The following COPB1 variants were observed in gnomAD, a reference collection of about 807,000 sequenced individuals.
COPB1 encodes the protein coatomer subunit beta.
Under a neutral mutation model 108.7 loss-of-function variants are expected in COPB1, and 21 were observed. The ratio of observed to expected loss-of-function variants is 0.19; its 90% CI spans 0.14 to 0.28. The LOEUF is 0.28. Ranked by LOEUF, COPB1 falls within the 10% of genes least tolerant of loss-of-function variation. The probability of loss-of-function intolerance (pLI) is 1.00; values close to 1 mark genes in which losing one functional copy is unlikely to be tolerated. For missense variants in COPB1, 919 were observed against 1,141.3 expected (o/e 0.81, Z 2.81); for synonymous variants, 378 against 386.8 (o/e 0.98, Z 0.27).
chr11:14,489,982 C>T (rs1850859492), intron 5 of COPB1, among the ~76,000 whole-genome samples: 1 of 152,094 alleles, frequency 6.6e-6, no homozygotes, highest in Non-Finnish European at 1.5e-5. Context: ...GGAAGGCCTC[C>T]ATATTTTTCA....
At chr11:14,485,940 T>C (rs1482461072) in intron 7 of COPB1, among the ~76,000 whole-genome samples, 1 of 152,080 alleles carries the variant, frequency 6.6e-6, no homozygotes, top group Non-Finnish European at 1.5e-5. Flanking sequence ...AAGAAAAGCA[T>C]AAGGAAAATA....
chr11:14,463,803 G>A (rs1850218878), intron 18 of COPB1, among the ~76,000 whole-genome samples: 1 of 152,060 alleles, frequency 6.6e-6, no homozygotes, highest in Non-Finnish European at 1.5e-5. Flanking sequence ...ACCTAATCTG[G>A]AAATCTGAGT....
chr11:14,493,121 G>C (rs1033170811), intron 4 of COPB1, among the ~76,000 whole-genome samples: 1 of 152,150 alleles, frequency 6.6e-6, no homozygotes, highest in African/African-American at 2.4e-5. Context: ...GCTCCAGCCT[G>C]GGCAACGAGA....
Position 14,465,277 on chromosome 11 carries a change from T to C in COPB1, c.2291-247A>G, listed in dbSNP as rs557235027. Reference sequence around the variant, plus strand: ...AGGCATATTTTCTTTTAAAAGGTAATAGGCATCTCAGAATAATTCCATATT... The same window carrying C: ...AGGCATATTTTCTTTTAAAAGGTAACAGGCATCTCAGAATAATTCCATATT... On this transcript the variant is annotated intron_variant, in intron 17 of 21. Coordinates refer to ENST00000439561, the MANE Select transcript of COPB1 (RefSeq NM_001144061.2). 5.5e-4 allele frequency among the ~76,000 whole-genome samples: 84 copies of C among 152,310 alleles called. 1 individual carries two copies. The highest frequency in any genetic ancestry group is 1.9e-3 in the African/African-American group (77 of 41,566).
intron 12 of COPB1, among the ~76,000 whole-genome samples, chr11:14,476,710 G>A (rs997144059): frequency 3.3e-5 from 5 of 151,272 alleles, no homozygotes; most frequent in South Asian, 2.1e-4. Flanking sequence ...TTACTCTAAG[G>A]CATTCTTCCT....
chr11:14,471,089 A>T (rs1850392911), intron 14 of COPB1, among the ~76,000 whole-genome samples: 1 of 152,228 alleles, frequency 6.6e-6, no homozygotes, highest in Non-Finnish European at 1.5e-5. Flanking sequence ...GTAACTTTCT[A>T]AAGTGTACAA....
At chr11:14,496,336 T>G (rs1851018623) in intron 2 of COPB1, among the ~76,000 whole-genome samples, 1 of 152,020 alleles carries the variant, frequency 6.6e-6, no homozygotes, top group Non-Finnish European at 1.5e-5. Context: ...AGAAATATGA[T>G]AAATTTAGTA....
At chr11:14,476,733 C>T (rs1236099272) in intron 12 of COPB1, among the ~76,000 whole-genome samples, 186 bp downstream of exon 12, 1 of 148,876 alleles carries the variant, frequency 6.7e-6, no homozygotes, top group Admixed American at 6.7e-5. Flanking sequence ...AGAATACAGG[C>T]TAAAGCAGAA....
At chr11:14,497,456 T>C (rs538630374) in intron 2 of COPB1, among the ~76,000 whole-genome samples, 1 of 152,208 alleles carries the variant, frequency 6.6e-6, no homozygotes, top group African/African-American at 2.4e-5. Context: ...ACATCACTGA[T>C]CATCAGAGAA....
chr11:14,461,884 G>A (rs971791694), intron 18 of COPB1, among the ~76,000 whole-genome samples: 1 of 152,122 alleles, frequency 6.6e-6, no homozygotes, highest in African/African-American at 2.4e-5. Flanking sequence ...TCAAGTCCCT[G>A]ATATTAAATG....
At chr11:14,481,934 G>C (rs1034687583) in intron 8 of COPB1, among the ~76,000 whole-genome samples, 2 of 152,048 alleles carry the variant, frequency 1.3e-5, no homozygotes, top group African/African-American at 2.4e-5. Flanking sequence ...GACTACAGTT[G>C]CACACCACCA....
intron 18 of COPB1, among the ~76,000 whole-genome samples, chr11:14,463,387 G>A (rs1310114645): frequency 3.3e-5 from 5 of 152,082 alleles, no homozygotes; most frequent in East Asian, 3.9e-4. Context: ...GTGCGATCTC[G>A]GCTCACTGTA....
rs573296709 is a variant in COPB1, at chr11:14,479,674, G to C, written c.1253C>G (p.Ala418Gly). The C allele has an allele frequency of 2.1e-4, 340 of 1,607,026 alleles. 2 individuals are homozygous for C. The South Asian group carries it at 3.5e-3, about 17-fold the overall frequency. Residue 418 changes from alanine (A) to glycine (G), a missense_variant, in exon 11 of 22, where the codon GCT becomes GGT. Transcript: ENST00000439561. ...TTCACGAACAAACTCCAAGACATCA[G>C]CAGCTGCTGCTTCGTTGTTGTCACT... is the stretch of plus-strand genomic sequence containing the variant. ...FLSDNNEAAAADVLEFVREAI... is the reference protein window; with the variant it reads ...FLSDNNEAAAGDVLEFVREAI...
At chr11:14,489,484 C>A (rs1454479102) in intron 5 of COPB1, among the ~76,000 whole-genome samples, 1 of 152,100 alleles carries the variant, frequency 6.6e-6, no homozygotes, top group African/African-American at 2.4e-5. Flanking sequence ...AAGTGTCCAC[C>A]AATGGATGAA....
At chr11:14,480,296 C>T (rs149111137) in intron 10 of COPB1, among the ~76,000 whole-genome samples, 1 of 152,122 alleles carries the variant, frequency 6.6e-6, no homozygotes, top group Admixed American at 6.5e-5. Flanking sequence ...TAAATTGTAA[C>T]TAAAATCATT....
At chr11:14,494,162 A>T in intron 3 of COPB1, 48 bp downstream of exon 3, 1 of 1,307,364 alleles carries the variant, frequency 7.6e-7, no homozygotes, top group Non-Finnish European at 1.1e-6. Flanking sequence ...TACCAATTTT[A>T]CATTTAAATT....
At position 14,489,173 on chromosome 11, in the gene COPB1, A is replaced by G. The variant is rs561715564; in HGVS notation, c.607-589T>C. ...TAGGAAGACAAAATGACAATATTGA[A>G]TACCACTTCACGTGCCCATTAACAT... On this transcript the variant is annotated intron_variant, in intron 5 of 21. Transcript: ENST00000439561. Among the ~76,000 whole-genome samples the G allele has an allele frequency of 2.0e-5, 3 of 152,356 alleles. No individual in the cohort carries two copies. In the East Asian group the frequency reaches 5.8e-4, roughly 29 times the overall value.
chr11:14,462,852 C>T (rs551706581), intron 18 of COPB1, among the ~76,000 whole-genome samples: 2 of 152,244 alleles, frequency 1.3e-5, no homozygotes, highest in East Asian at 3.9e-4. Context: ...TCGAGGTTCT[C>T]TTATTTTCAA....
At chr11:14,468,574 C>T (rs2134099909) in intron 16 of COPB1, 107 bp downstream of exon 16, 1 of 1,092,772 alleles carries the variant, frequency 9.2e-7, no homozygotes, top group Middle Eastern at 2.2e-4. Flanking sequence ...ATGGACCTAT[C>T]ACAGTGACTT....
Sources: gnomAD v4.1 joint callset for allele counts (sites outside exome capture counted in the v4.1 genomes callset) on GRCh38, gnomAD v4.1.1 for gene constraint, MANE v1.5 for transcripts, NCBI Gene and HGNC (gene_info 2026-07-23, HGNC 2026-07-21) for gene names.